The following BRAF variants were observed in gnomAD, a reference collection of about 807,000 sequenced individuals.
BRAF encodes serine/threonine-protein kinase B-raf.
BRAF carries 16 observed loss-of-function variants against 104.6 expected under a neutral mutation model. The observed-to-expected ratio is 0.15, with a 90% CI of 0.10 to 0.23. The LOEUF (loss-of-function observed/expected upper bound fraction) is 0.23, where lower values mean the gene tolerates loss of function less well. BRAF is among the 10% of genes least tolerant of loss of function. The probability of loss-of-function intolerance (pLI) is 1.00; values close to 1 mark genes in which losing one functional copy is unlikely to be tolerated. For missense variants in BRAF, 541 were observed against 937.3 expected (o/e 0.58, Z 5.52); for synonymous variants, 310 against 341.6 (o/e 0.91, Z 1.02).
chr7:140,796,444 G>A (rs1802505722), intron 7 of BRAF, among the ~76,000 whole-genome samples: 1 of 151,896 alleles, frequency 6.6e-6, no homozygotes, highest in Admixed American at 6.6e-5. Flanking sequence ...GATAGGCAGA[G>A]ATGGCAGTAA....
chr7:140,745,240 T>G (rs1450128461), intron 17 of BRAF, among the ~76,000 whole-genome samples: 2 of 152,198 alleles, frequency 1.3e-5, no homozygotes, highest in Non-Finnish European at 2.9e-5. Flanking sequence ...TTACATTCTT[T>G]GCAATTATTT....
intron 14 of BRAF, among the ~76,000 whole-genome samples, chr7:140,770,778 A>C (rs578099407): frequency 1.3e-5 from 2 of 152,148 alleles, no homozygotes; most frequent in South Asian, 4.2e-4. Context: ...TACTAAAAAT[A>C]CAAAATTAGC....
intron 14 of BRAF, among the ~76,000 whole-genome samples, chr7:140,772,556 C>T (rs1799955961): frequency 6.6e-6 from 1 of 151,980 alleles, no homozygotes; most frequent in African/African-American, 2.4e-5. Context: ...GCAGAGGTTG[C>T]AGCGAGCTGA....
At position 140,724,476 on chromosome 7, in the gene BRAF, G is replaced by C; in HGVS notation, c.*2018C>G. The stretch of plus-strand genomic sequence containing the variant: ...AATTATTTCCACCTTTGCAATTTCT[G>C]AATTTTGTAAGACACTGCCCTGCTG... On this transcript the variant is annotated 3_prime_UTR_variant, in exon 20 of 20. Transcript: ENST00000644969. 9.5e-7 allele frequency: 1 copy of C among 1,053,790 alleles called. No homozygotes were observed. Among genetic ancestry groups the C allele is most frequent in the Non-Finnish European group, 1.1e-6 (1 of 872,146 alleles). 65.3% of individuals were successfully genotyped at this position (1,053,790 alleles called of 1,614,324 possible).
chr7:140,762,505 C>G (rs1447665135), intron 14 of BRAF, among the ~76,000 whole-genome samples: 2 of 149,628 alleles, frequency 1.3e-5, no homozygotes, highest in African/African-American at 2.5e-5. Context: ...CAAACACATT[C>G]AAAAGCTAGC....
At chr7:140,829,518 T>C (rs1806477736) in intron 3 of BRAF, among the ~76,000 whole-genome samples, 1 of 152,154 alleles carries the variant, frequency 6.6e-6, no homozygotes, top group Non-Finnish European at 1.5e-5. Context: ...TTTCTGAAAT[T>C]CTGGGATCTA....
chr7:140,869,939 G>C (rs1448259112), intron 1 of BRAF, among the ~76,000 whole-genome samples: 1 of 151,850 alleles, frequency 6.6e-6, no homozygotes, highest in Non-Finnish European at 1.5e-5. Flanking sequence ...ACTGAAACTT[G>C]GTATATTTGA....
At chr7:140,853,255 G>A (rs974023739) in intron 1 of BRAF, among the ~76,000 whole-genome samples, 3 of 151,856 alleles carry the variant, frequency 2.0e-5, no homozygotes, top group Admixed American at 6.6e-5. Flanking sequence ...ACGTGGTGGT[G>A]TGTGCCTGTG....
rs184819468 is a variant in BRAF at position 140,845,701 on chromosome 7, C to T, written c.240+4410G>A. Reference sequence around the variant, plus strand: ...TTGCCTTGTTTTGTTTTGTTTGAGACGGAGTCTTATTCTGTCCCCCAGGTT... The same window carrying T: ...TTGCCTTGTTTTGTTTTGTTTGAGATGGAGTCTTATTCTGTCCCCCAGGTT... On this transcript the variant is annotated intron_variant, in intron 2 of 19. Transcript: ENST00000644969. 2.2e-4 allele frequency among the ~76,000 whole-genome samples: 34 copies of T among 152,108 alleles called. 1 individual carries two copies. Among genetic ancestry groups the T allele is most frequent in the Admixed American group, 1.4e-3 (21 of 15,278 alleles).
At position 140,873,420 on chromosome 7, in the gene BRAF, T is replaced by G. The variant is rs553284789; in HGVS notation, c.139-23208A>C. On this transcript the variant is annotated intron_variant, in intron 1 of 19. Transcript: ENST00000644969. ...CCAGACCTCAGGTGATCCATCTGCC[T>G]CGGCCTCCCAAAGTGCTGAAATAAG... Among the ~76,000 whole-genome samples, 115 of 152,256 alleles carry G rather than the reference T, an allele frequency of 7.6e-4. 2 individuals are homozygous for G. In the South Asian group the frequency reaches 0.011, roughly 15 times the overall value.
chr7:140,794,273 GT>G (rs759055598), intron 8 of BRAF, 34 bp downstream of exon 8: 64 of 1,591,936 alleles, frequency 4.0e-5, no homozygotes, highest in South Asian at 3.9e-4. Flanking sequence ...TACATACTTG[GT>G]TTTTTTTTAG....
At position 140,924,479 on chromosome 7, in the gene BRAF, C is replaced by A; in HGVS notation, c.138+87G>T. On this transcript the variant is annotated intron_variant, in intron 1 of 19. Transcript: ENST00000644969. The surrounding 1 kb of genome is among the most constrained non-coding windows in gnomAD (Gnocchi z 4.2). The stretch of plus-strand genomic sequence containing the variant: ...CGAGAAGGTGGCTGAGGGCATCAAG[C>A]CCCCACCGCCGCCTCTTTCCAAAAT... 6.6e-7 allele frequency: 1 copy of A among 1,518,804 alleles called. No individual in the cohort carries two copies. The highest frequency in any genetic ancestry group is 8.8e-7 in the Non-Finnish European group (1 of 1,135,102). 94.1% of individuals were successfully genotyped at this position (1,518,804 alleles called of 1,614,324 possible). A position where few individuals can be genotyped will look rare whatever the true frequency, so the allele number is the denominator to read the frequency against.
Position 140,821,294 on chromosome 7 carries a change from ATTT to A in BRAF, c.505-12302_505-12300del, listed in dbSNP as rs58690200. Reference sequence around the variant, plus strand: ...CCACTACACCCAGCGTCTGAATTACATTTTTTTTTTTTTTTTTTTTTTTGAGAC... The same window carrying A: ...CCACTACACCCAGCGTCTGAATTACATTTTTTTTTTTTTTTTTTTTGAGAC... On this transcript the variant is annotated intron_variant, in intron 3 of 19. Transcript: ENST00000644969. Among the ~76,000 whole-genome samples the A allele has an allele frequency of 3.8e-3, 278 of 73,922 alleles. 1 individual carries two copies. Among genetic ancestry groups the A allele is most frequent in the Middle Eastern group, 0.017 (2 of 118 alleles). The allele number at this position is 73,922 out of a possible 152,430, so 48.5% of individuals were successfully genotyped here. A position where few individuals can be genotyped will look rare whatever the true frequency, so the allele number is the denominator to read the frequency against.
intron 8 of BRAF, among the ~76,000 whole-genome samples, chr7:140,793,384 T>C (rs1163983448): frequency 2.0e-5 from 3 of 152,220 alleles, no homozygotes; most frequent in South Asian, 4.1e-4. Flanking sequence ...TAAGGAAAAC[T>C]AGTACTAGAA....
chr7:140,753,634 A>C, intron 15 of BRAF: 1 of 392,710 alleles, frequency 2.5e-6, no homozygotes, highest in Non-Finnish European at 4.7e-6. Context: ...GGATGAGGTG[A>C]GATGCTTTCC....
intron 10 of BRAF, chr7:140,783,496 A>C (rs1801077532): frequency 4.1e-6 from 1 of 246,666 alleles, no homozygotes; most frequent in Non-Finnish European, 7.8e-6. Context: ...TTTGATGAAA[A>C]AAATCAAAAA....
intron 14 of BRAF, among the ~76,000 whole-genome samples, chr7:140,763,493 C>T (rs866651541): frequency 7.2e-5 from 11 of 152,038 alleles, no homozygotes; most frequent in Non-Finnish European, 1.0e-4. Flanking sequence ...CCGGACGGGG[C>T]GGCTGGCCCA....
chr7:140,793,272 C>A (rs552098606), intron 8 of BRAF, among the ~76,000 whole-genome samples: 2 of 152,268 alleles, frequency 1.3e-5, no homozygotes, highest in African/African-American at 4.8e-5. Flanking sequence ...CTGAGAACAA[C>A]CCTAACCTGG....
In BRAF at chr7:140,721,750, G is replaced by C. The variant is rs2130820113; in HGVS notation, c.*4744C>G. 4 of 1,501,118 alleles carry C rather than the reference G, an allele frequency of 2.7e-6. No individual in the cohort carries two copies. The highest frequency in any genetic ancestry group is 2.8e-5 in the African/African-American group (2 of 71,370). The allele number at this position is 1,501,118 out of a possible 1,614,324, so 93.0% of individuals were successfully genotyped here. A position where few individuals can be genotyped will look rare whatever the true frequency, so the allele number is the denominator to read the frequency against. On this transcript the variant is annotated 3_prime_UTR_variant, in exon 20 of 20. Coordinates refer to ENST00000644969, the MANE Select transcript of BRAF (RefSeq NM_001374258.1). ...ACTTTCTCTTTCAATGGTGAGGAAT[G>C]AAACAAGATACAAGAACCACAGCAT...
Sources: allele counts gnomAD v4.1 joint callset (sites outside exome capture counted in the v4.1 genomes callset), GRCh38; gene constraint gnomAD v4.1.1; non-coding constraint Gnocchi (gnomAD v3.1); transcripts MANE v1.5; gene names NCBI Gene and HGNC (gene_info 2026-07-23, HGNC 2026-07-21).